The following PPP6C variants were observed in gnomAD, a reference collection of about 807,000 sequenced individuals.
PPP6C encodes serine/threonine-protein phosphatase 6 catalytic subunit.
PPP6C carries 11 observed loss-of-function variants against 39.8 expected under a neutral mutation model. The observed-to-expected ratio is 0.28, with a 90% confidence interval of 0.17 to 0.46. The LOEUF is 0.46. PPP6C is among the 20% of genes least tolerant of loss of function. The pLI is 1.00. For missense variants in PPP6C, 211 were observed against 373.9 expected (o/e 0.56, Z 3.59); for synonymous variants, 129 against 130.3 (o/e 0.99, Z 0.07).
chr9:125,171,934 G>A (rs939258779), intron 1 of PPP6C: 5 of 466,748 alleles, frequency 1.1e-5, no homozygotes, highest in Non-Finnish European at 2.2e-5. Context: ...CTGTAGTCTT[G>A]GCAATAAAAA....
chr9:125,186,197 T>C (rs941256894), intron 1 of PPP6C, among the ~76,000 whole-genome samples: 7 of 152,080 alleles, frequency 4.6e-5, no homozygotes, highest in African/African-American at 1.7e-4. Flanking sequence ...CTTTTCTTAA[T>C]AGAATGTTTT....
At chr9:125,153,448 C>T in intron 6 of PPP6C, 85 bp downstream of exon 6, 1 of 1,294,792 alleles carries the variant, frequency 7.7e-7, no homozygotes, top group Non-Finnish European at 1.1e-6. Flanking sequence ...AGCTAGACTA[C>T]AAGTTTGTTA....
rs1835872747 is a variant in PPP6C at position 125,149,006 on chromosome 9, TAA to T, written c.*665_*666del. 6.6e-6 allele frequency: 1 copy of T among 150,894 alleles called. No homozygotes were observed. Among genetic ancestry groups the T allele is most frequent in the Non-Finnish European group, 1.5e-5 (1 of 67,226 alleles). The allele number at this position is 150,894 out of a possible 1,614,324, so 9.3% of individuals were successfully genotyped here. A position where few individuals can be genotyped will look rare whatever the true frequency, so the allele number is the denominator to read the frequency against. On this transcript the variant is annotated 3_prime_UTR_variant, in exon 7 of 7. Transcript: ENST00000373547. ...ACACTTAACCTATCTGAGTTTTATTTAAGATTACTTTATTAAAAAATACAAGG... is the reference window on the plus strand; with the variant it reads ...ACACTTAACCTATCTGAGTTTTATTTGATTACTTTATTAAAAAATACAAGG...
intron 1 of PPP6C, among the ~76,000 whole-genome samples, chr9:125,187,463 T>C (rs995633396): frequency 6.6e-6 from 1 of 151,728 alleles, no homozygotes; most frequent in Non-Finnish European, 1.5e-5. Context: ...TCTGTGTTTT[T>C]AGTAGAGAGG....
At chr9:125,189,539 T>C in intron 1 of PPP6C, 105 bp downstream of exon 1, 1 of 1,549,470 alleles carries the variant, frequency 6.5e-7, no homozygotes. Context: ...GGGGAGGCCC[T>C]CCACCGCGAC....
At position 125,167,839 on chromosome 9, in the gene PPP6C, G is replaced by T. The variant is rs1041205013; in HGVS notation, c.171+3246C>A. On this transcript the variant is annotated intron_variant, in intron 2 of 6. Transcript: ENST00000373547. The stretch of plus-strand genomic sequence containing the variant: ...GTCAGGAGTTTGAGATGGGGGGGGG[G>T]GGGGGGGGTATCATTTGGTTGCCCA... 7.3e-5 allele frequency among the ~76,000 whole-genome samples: 10 copies of T among 137,222 alleles called. 2 individuals carry two copies. The highest frequency in any genetic ancestry group is 2.5e-4 in the East Asian group (1 of 4,056). 90.0% of individuals were successfully genotyped at this position (137,222 alleles called of 152,430 possible).
At chr9:125,180,182 A>C (rs1210647687) in intron 1 of PPP6C, among the ~76,000 whole-genome samples, 1 of 151,658 alleles carries the variant, frequency 6.6e-6, no homozygotes, top group East Asian at 2.0e-4. Context: ...TTACCTCATA[A>C]ATAATAATAA....
chr9:125,168,434 T>C (rs778807137), intron 2 of PPP6C, among the ~76,000 whole-genome samples: 3 of 152,140 alleles, frequency 2.0e-5, no homozygotes, highest in African/African-American at 7.2e-5. Flanking sequence ...GAGGCTCAAA[T>C]CCCATGTTTC....
intron 6 of PPP6C, 28 bp from the exon 7 acceptor site, chr9:125,149,949 C>T (rs1455344805): frequency 1.3e-6 from 2 of 1,598,754 alleles, no homozygotes; most frequent in Non-Finnish European, 1.7e-6. Context: ...ACTGTAAGTA[C>T]TTAGCACTTA....
Position 125,152,818 on chromosome 9 carries a change from G to A in PPP6C, c.669+715C>T, listed in dbSNP as rs182305759. Reference sequence around the variant, plus strand: ...GTACTCCAGCCTGGGCAACATGAGCGAAACTCTTGTCTCAAAAAAAAAAAG... The same window carrying A: ...GTACTCCAGCCTGGGCAACATGAGCAAAACTCTTGTCTCAAAAAAAAAAAG... On this transcript the variant is annotated intron_variant, in intron 6 of 6. Coordinates refer to ENST00000373547, the MANE Select transcript of PPP6C (RefSeq NM_002721.5). Among the ~76,000 whole-genome samples the A allele has an allele frequency of 6.4e-3, 957 of 149,504 alleles. 6 individuals carry two copies. Among genetic ancestry groups the A allele is most frequent in the Non-Finnish European group, 8.3e-3 (561 of 67,660 alleles).
chr9:125,177,465 G>A (rs1212340894), intron 1 of PPP6C, among the ~76,000 whole-genome samples: 1 of 152,100 alleles, frequency 6.6e-6, no homozygotes, highest in African/African-American at 2.4e-5. Flanking sequence ...GGGAGGCAAA[G>A]ACAGGAGGAT....
At chr9:125,171,243 C>G (rs1829141148) in intron 1 of PPP6C, 63 bp from the exon 2 acceptor site, 3 of 1,314,440 alleles carry the variant, frequency 2.3e-6, no homozygotes, top group Non-Finnish European at 2.1e-6. Context: ...GATAAAATAC[C>G]AAAAAAGAAA....
At chr9:125,188,182 G>C (rs1467569239) in intron 1 of PPP6C, among the ~76,000 whole-genome samples, 16 of 150,932 alleles carry the variant, frequency 1.1e-4, no homozygotes, top group Non-Finnish European at 4.4e-5. Flanking sequence ...TCAGGAGATC[G>C]AGACCATCCT....
chr9:125,152,377 G>T lies in PPP6C; in HGVS notation c.669+1156C>A, dbSNP rs117540806. Among the ~76,000 whole-genome samples, 9 of 152,230 alleles carry T rather than the reference G, an allele frequency of 5.9e-5. No individual in the cohort carries two copies. In the East Asian group the frequency reaches 1.7e-3, roughly 29 times the overall value. ...CGCTAACATTCACATTACATGATTT[G>T]CTGTAGCTTGATCTTCCTTAGCCTA... On this transcript the variant is annotated intron_variant, in intron 6 of 6. Coordinates refer to ENST00000373547, the MANE Select transcript of PPP6C (RefSeq NM_002721.5).
chr9:125,167,403 A>AT (rs907673488), intron 2 of PPP6C, among the ~76,000 whole-genome samples: 5 of 131,246 alleles, frequency 3.8e-5, no homozygotes, highest in African/African-American at 1.4e-4. Flanking sequence ...AAAAAAAGAA[A>AT]TAAAAAAAAG....
At chr9:125,178,985 A>T (rs1829364963) in intron 1 of PPP6C, among the ~76,000 whole-genome samples, 1 of 152,048 alleles carries the variant, frequency 6.6e-6, no homozygotes, top group Non-Finnish European at 1.5e-5. Flanking sequence ...GAGGCCGAGG[A>T]GGTCAGATCA....
At chr9:125,150,920 C>T (rs1835920487) in intron 6 of PPP6C, 1 of 1,011,024 alleles carries the variant, frequency 9.9e-7, no homozygotes, top group East Asian at 2.4e-5. Context: ...TCATCCCATG[C>T]TTCCCTTATG....
At chr9:125,180,032 A>G (rs571755045) in intron 1 of PPP6C, among the ~76,000 whole-genome samples, 1 of 152,294 alleles carries the variant, frequency 6.6e-6, no homozygotes, top group South Asian at 2.1e-4. Context: ...GTAAGAGTCA[A>G]TGGTTTTCAT....
chr9:125,189,515 G>C, intron 1 of PPP6C, 129 bp downstream of exon 1: 11 of 1,489,484 alleles, frequency 7.4e-6, no homozygotes, highest in Non-Finnish European at 9.8e-6. Flanking sequence ...GTAGGACCGG[G>C]TCGACTGGCA....
Sources: gnomAD v4.1 joint callset for allele counts (sites outside exome capture counted in the v4.1 genomes callset) on GRCh38, gnomAD v4.1.1 for gene constraint, MANE v1.5 for transcripts, NCBI Gene and HGNC (gene_info 2026-07-23, HGNC 2026-07-21) for gene names.